SFI1: variants seen among roughly 807,000 people sequenced by gnomAD.
SFI1 encodes the protein protein SFI1 homolog.
Under a neutral mutation model 207.5 loss-of-function variants are expected in SFI1, and 195 were observed. The ratio of observed to expected loss-of-function variants is 0.94; its 90% CI spans 0.84 to 1.06. The LOEUF is 1.06. Ranked by LOEUF, SFI1 falls within the 50% of genes least tolerant of loss-of-function variation. The pLI is 0.00. For missense variants in SFI1, 1,634 were observed against 1,588.0 expected, an observed-to-expected ratio of 1.03 and a Z score of -0.49; for synonymous variants, 630 against 598.9, an observed-to-expected ratio of 1.05 and a Z score of -0.76.
At chr22:31,613,300 G>A in intron 25 of SFI1, 54 bp from the exon 26 acceptor site, 1 of 1,605,546 alleles carries the variant, frequency 6.2e-7, no homozygotes, top group Non-Finnish European at 8.5e-7. Flanking sequence ...CACCTGGTCT[G>A]TGGGGGAGCT....
At chr22:31,540,704 C>T (rs1281735473) in intron 4 of SFI1, among the ~76,000 whole-genome samples, 1 of 152,056 alleles carries the variant, frequency 6.6e-6, no homozygotes, top group Non-Finnish European at 1.5e-5. Flanking sequence ...CTTCAGCCTC[C>T]CAAGTAGCTG....
At position 31,615,162 on chromosome 22, in the gene SFI1, T is replaced by A; in HGVS notation, c.3183T>A (p.Pro1061=). Residue 1061 remains proline (P), a synonymous_variant, in exon 29 of 33, where the codon CCT becomes CCA. Coordinates refer to ENST00000400288, the MANE Select transcript of SFI1 (RefSeq NM_001007467.3). The part of the protein sequence containing the change: ...PTALVPHSPL[P]GALSSAPGPK... ...CACTGGTCCCACACAGCCCCCTGCC[T>A]GGGGCCCTGTCAAGCGCCCCTGGCC... 6.2e-7 allele frequency: 1 copy of A among 1,605,834 alleles called. No individual in the cohort carries two copies. The highest frequency in any genetic ancestry group is 8.5e-7 in the Non-Finnish European group (1 of 1,176,946).
At chr22:31,598,128 C>A in intron 15 of SFI1, among the ~76,000 whole-genome samples, 1 of 151,446 alleles carries the variant, frequency 6.6e-6, no homozygotes. Flanking sequence ...CAGGTGCCCA[C>A]CACCACACCC....
rs1220311850 is a variant in SFI1, at chr22:31,612,378, T to TGAAAAAAAAAAA, written c.2490+538_2490+539insGAAAAAAAAAAA. 1.4e-4 allele frequency: 9 copies of TGAAAAAAAAAAA among 62,264 alleles called. 2 individuals carry two copies. Among genetic ancestry groups the TGAAAAAAAAAAA allele is most frequent in the South Asian group, 7.0e-4 (1 of 1,428 alleles). The allele number at this position is 62,264 out of a possible 1,614,324, so 3.9% of individuals were successfully genotyped here. A position where few individuals can be genotyped will look rare whatever the true frequency, so the allele number is the denominator to read the frequency against. On this transcript the variant is annotated intron_variant, in intron 24 of 32. Transcript: ENST00000400288. ...CCGGGCAACAGAGCGAGACTCTGTC[T>TGAAAAAAAAAAA]AAAAAAAAAAAAAAAAAAAAATATA...
intron 14 of SFI1, chr22:31,587,482 G>GTTT (rs11431150): frequency 9.1e-4 from 149 of 162,972 alleles, no homozygotes; most frequent in South Asian, 3.4e-3. Flanking sequence ...TTTGTGTTTT[G>GTTT]TTTTTTTTTT....
At chr22:31,562,884 G>A (rs902209542) in intron 8 of SFI1, among the ~76,000 whole-genome samples, 9 of 151,524 alleles carry the variant, frequency 5.9e-5, no homozygotes, top group Non-Finnish European at 7.4e-5. Flanking sequence ...GGCCTGCATC[G>A]GCCTCCCAAA....
chr22:31,594,719 G>T (rs1323836961), intron 15 of SFI1, among the ~76,000 whole-genome samples: 1 of 151,040 alleles, frequency 6.6e-6, no homozygotes, highest in African/African-American at 2.4e-5. Context: ...GCCGGGCGTG[G>T]TGGTGGGCGA....
chr22:31,525,502 C>T (rs534631179), intron 2 of SFI1, among the ~76,000 whole-genome samples: 20 of 152,166 alleles, frequency 1.3e-4, no homozygotes, highest in African/African-American at 1.7e-4. Context: ...CCAGGACAGG[C>T]GGATCACTTG....
intron 14 of SFI1, among the ~76,000 whole-genome samples, chr22:31,588,312 T>C (rs2065308504): frequency 6.6e-6 from 1 of 152,228 alleles, no homozygotes; most frequent in South Asian, 2.1e-4. Flanking sequence ...CTTGGGGTAG[T>C]CAGCTATCAG....
chr22:31,607,476 G>A (rs1332756848), intron 21 of SFI1, among the ~76,000 whole-genome samples: 1 of 151,876 alleles, frequency 6.6e-6, no homozygotes, highest in East Asian at 1.9e-4. Flanking sequence ...GGTGGTGCAT[G>A]CCTGTAATCC....
At chr22:31,506,997 A>C (rs528125729) in intron 1 of SFI1, among the ~76,000 whole-genome samples, 2 of 152,350 alleles carry the variant, frequency 1.3e-5, no homozygotes, top group African/African-American at 4.8e-5. Flanking sequence ...TCACAGAATT[A>C]GAAAAAACTA....
At chr22:31,540,779 G>A (rs2059409690) in intron 4 of SFI1, among the ~76,000 whole-genome samples, 1 of 150,134 alleles carries the variant, frequency 6.7e-6, no homozygotes, top group Admixed American at 6.6e-5. Flanking sequence ...TGGGGGTCTC[G>A]CCATGTTGGC....
chr22:31,525,745 GATAGATAGATA>G (rs2057836515), intron 2 of SFI1, among the ~76,000 whole-genome samples: 1 of 151,654 alleles, frequency 6.6e-6, no homozygotes, highest in Non-Finnish European at 1.5e-5. Flanking sequence ...TAGATAGATA[GATAGATAGATA>G]GATAGATAGA....
chr22:31,498,951 C>T (rs1205273208), intron 1 of SFI1, among the ~76,000 whole-genome samples: 1 of 150,980 alleles, frequency 6.6e-6, no homozygotes, highest in Non-Finnish European at 1.5e-5. Context: ...ATGTGATCCA[C>T]CTGCTTCGGC....
At chr22:31,590,979 A>ATTTAT (rs1285119931) in intron 15 of SFI1, among the ~76,000 whole-genome samples, 80 of 142,206 alleles carry the variant, frequency 5.6e-4, no homozygotes, top group Non-Finnish European at 9.1e-4. Context: ...TTATTTATTT[A>ATTTAT]TTTTTTTATT....
chr22:31,535,497 G>T (rs552742508), intron 4 of SFI1, among the ~76,000 whole-genome samples: 11 of 148,694 alleles, frequency 7.4e-5, no homozygotes, highest in African/African-American at 2.7e-4. Flanking sequence ...CCTTTTTTTT[G>T]TTTTTTCTTT....
chr22:31,572,980 T>C, intron 8 of SFI1, 78 bp from the exon 9 acceptor site: 1 of 1,467,464 alleles, frequency 6.8e-7, no homozygotes, highest in Non-Finnish European at 9.3e-7. Context: ...TGTGTGCCTT[T>C]CTCTTTTCCC....
intron 10 of SFI1, among the ~76,000 whole-genome samples, chr22:31,577,791 G>A (rs1040128750): frequency 3.3e-5 from 5 of 152,156 alleles, no homozygotes; most frequent in East Asian, 1.9e-4. Context: ...CTGGATTAGC[G>A]GAGAGAGGCT....
intron 8 of SFI1, among the ~76,000 whole-genome samples, chr22:31,569,041 A>G (rs1217429830): frequency 6.6e-6 from 1 of 152,214 alleles, no homozygotes; most frequent in Non-Finnish European, 1.5e-5. Context: ...AAGGCAAAAA[A>G]TTAAGCATTT....
Sources: gnomAD v4.1 joint callset for allele counts (sites outside exome capture counted in the v4.1 genomes callset) on GRCh38, gnomAD v4.1.1 for gene constraint, MANE v1.5 for transcripts, NCBI Gene and HGNC (gene_info 2026-07-23, HGNC 2026-07-21) for gene names.